RBM6: variants seen among roughly 807,000 people sequenced by gnomAD.
RBM6 encodes the protein RNA-binding protein 6.
RBM6 carries 23 observed loss-of-function variants against 140.4 expected under a neutral mutation model. The observed-to-expected ratio is 0.16, with a 90% confidence interval of 0.12 to 0.23. RBM6 has a LOEUF of 0.23. Among genes scored for constraint, RBM6 ranks in the 10% least tolerant of loss-of-function variants. The pLI, the probability that RBM6 is intolerant of heterozygous loss-of-function variation, is 1.00. For missense variants in RBM6, 1,139 were observed against 1,386.7 expected, an observed-to-expected ratio of 0.82 and a Z score of 2.84; for synonymous variants, 439 against 475.6, an observed-to-expected ratio of 0.92 and a Z score of 1.00.
intron 1 of RBM6, among the ~76,000 whole-genome samples, chr3:49,959,951 T>C (rs1170848784): frequency 6.6e-6 from 1 of 152,168 alleles, no homozygotes; most frequent in Non-Finnish European, 1.5e-5. Context: ...TGCTTTGGAA[T>C]GTCCTAATTT....
intron 1 of RBM6, among the ~76,000 whole-genome samples, chr3:49,956,096 T>C (rs1290100639): frequency 6.6e-6 from 1 of 151,014 alleles, no homozygotes. Flanking sequence ...AGTGCCACAA[T>C]CTCAGCTCAC....
intron 1 of RBM6, among the ~76,000 whole-genome samples, chr3:49,950,086 C>T (rs910288845): frequency 2.6e-5 from 4 of 152,082 alleles, no homozygotes; most frequent in African/African-American, 9.7e-5. Flanking sequence ...GCCACTAATT[C>T]CAGTTCTTGA....
intron 1 of RBM6, among the ~76,000 whole-genome samples, chr3:49,945,039 C>T (rs36063670): frequency 6.6e-6 from 1 of 151,744 alleles, no homozygotes; most frequent in East Asian, 1.9e-4. Flanking sequence ...CCACGCCCGG[C>T]TAATTTTTTG....
intron 2 of RBM6, among the ~76,000 whole-genome samples, chr3:49,964,645 C>G (rs2084427340): frequency 6.6e-6 from 1 of 152,158 alleles, no homozygotes; most frequent in South Asian, 2.1e-4. Flanking sequence ...GTTTCCTGAC[C>G]TCTCATCTAG....
At chr3:50,011,317 T>A (rs1205977365) in intron 6 of RBM6, among the ~76,000 whole-genome samples, 1 of 152,190 alleles carries the variant, frequency 6.6e-6, no homozygotes, top group African/African-American at 2.4e-5. Context: ...TGGATGGAGT[T>A]GGTAACAGGC....
At chr3:50,006,624 T>C in intron 6 of RBM6, among the ~76,000 whole-genome samples, 1 of 152,056 alleles carries the variant, frequency 6.6e-6, no homozygotes, top group East Asian at 1.9e-4. Flanking sequence ...AGTTAATGCA[T>C]GTAAGGTGAT....
At chr3:50,053,670 C>T (rs1473244099) in intron 7 of RBM6, among the ~76,000 whole-genome samples, 4 of 152,190 alleles carry the variant, frequency 2.6e-5, no homozygotes, top group African/African-American at 7.2e-5. Flanking sequence ...CTTTTATTTC[C>T]TGCCAACCAA....
chr3:49,983,186 A>T (rs1277112848), intron 5 of RBM6, among the ~76,000 whole-genome samples: 1 of 152,232 alleles, frequency 6.6e-6, no homozygotes, highest in Non-Finnish European at 1.5e-5. Context: ...ATGTCCTTTC[A>T]TTATTCACAA....
intron 6 of RBM6, among the ~76,000 whole-genome samples, chr3:50,007,719 GAGA>G (rs1307966430): frequency 6.6e-6 from 1 of 151,826 alleles, no homozygotes; most frequent in African/African-American, 2.4e-5. Flanking sequence ...ATTTTTAGTA[GAGA>G]CGGGGTTTCA....
intron 16 of RBM6, chr3:50,065,498 A>G (rs2090092993): frequency 2.2e-6 from 1 of 459,180 alleles, no homozygotes; most frequent in Non-Finnish European, 4.3e-6. Context: ...TCTCTTAGAT[A>G]TGGAGTGCAT....
chr3:49,964,227 G>A (rs746487623), intron 2 of RBM6, among the ~76,000 whole-genome samples: 2 of 152,154 alleles, frequency 1.3e-5, no homozygotes, highest in African/African-American at 2.4e-5. Context: ...CAATCTGCAA[G>A]ATTTTATTAC....
Position 49,949,121 on chromosome 3 carries a change from G to A in RBM6, c.-67+8896G>A, listed in dbSNP as rs373687911. Among the ~76,000 whole-genome samples, 5 of 151,606 alleles carry A rather than the reference G, an allele frequency of 3.3e-5. No homozygotes were observed. The South Asian group carries it at 6.3e-4, about 19-fold the overall frequency. Reference sequence around the variant, plus strand: ...TGGGACTACAGGTGTGAGCCACCACGCCTGGTCATACCCAAATATTTTACC... The same window carrying A: ...TGGGACTACAGGTGTGAGCCACCACACCTGGTCATACCCAAATATTTTACC... On this transcript the variant is annotated intron_variant, in intron 1 of 20. Transcript: ENST00000266022.
At chr3:50,054,179 C>A in intron 7 of RBM6, 156 bp from the exon 8 acceptor site, 1 of 641,848 alleles carries the variant, frequency 1.6e-6, no homozygotes, top group Non-Finnish European at 2.8e-6. Context: ...CATCTGCCAG[C>A]TCTAATCAGT....
At position 50,018,594 on chromosome 3, in the gene RBM6, T is replaced by G. The variant is rs906413010; in HGVS notation, c.1557+19081T>G. Among the ~76,000 whole-genome samples, 335 of 133,238 alleles carry G rather than the reference T, an allele frequency of 2.5e-3. 1 individual carries two copies. Among genetic ancestry groups the G allele is most frequent in the African/African-American group, 8.6e-3 (303 of 35,030 alleles). The allele number at this position is 133,238 out of a possible 152,430, so 87.4% of individuals were successfully genotyped here. A position where few individuals can be genotyped will look rare whatever the true frequency, so the allele number is the denominator to read the frequency against. The stretch of plus-strand genomic sequence containing the variant: ...TGGTAGGAGTGTGTTTTTTTTTTTT[T>G]TTTTTTTTTTTTTTTTTGACACGGA... On this transcript the variant is annotated intron_variant, in intron 6 of 20. Transcript: ENST00000266022.
chr3:49,955,306 G>T (rs995414173), intron 1 of RBM6, among the ~76,000 whole-genome samples: 1 of 148,962 alleles, frequency 6.7e-6, no homozygotes, highest in Admixed American at 6.8e-5. Flanking sequence ...CAGTATTTGG[G>T]ACTACAGACA....
At position 50,059,563 on chromosome 3, in the gene RBM6, G is replaced by A. The variant is rs562460301; in HGVS notation, c.2131-86G>A. The A allele has an allele frequency of 1.9e-4, 205 of 1,084,860 alleles. No individual in the cohort carries two copies. In the African/African-American group the frequency reaches 2.4e-3, roughly 12 times the overall value. 67.2% of individuals were successfully genotyped at this position (1,084,860 alleles called of 1,614,324 possible). Reference sequence around the variant, plus strand: ...TTATCCTCTGAGAAGGAAAATCCACGTTCACTTCTCTTTCAAAGGAGAATT... The same window carrying A: ...TTATCCTCTGAGAAGGAAAATCCACATTCACTTCTCTTTCAAAGGAGAATT... On this transcript the variant is annotated intron_variant, in intron 10 of 20. Transcript: ENST00000266022.
rs2084640649 is a variant in RBM6, at chr3:49,968,834, G to A, written c.1323+86G>A. 10 of 1,403,276 alleles carry A rather than the reference G, an allele frequency of 7.1e-6. No individual in the cohort carries two copies. The Middle Eastern group carries it at 7.8e-4, about 110-fold the overall frequency. The allele number at this position is 1,403,276 out of a possible 1,614,324, so 86.9% of individuals were successfully genotyped here. On this transcript the variant is annotated intron_variant, in intron 3 of 20. Coordinates refer to ENST00000266022, the MANE Select transcript of RBM6 (RefSeq NM_005777.3). Reference sequence around the variant, plus strand: ...CTCGCTCTGTTGCCCAGCCTGGAGTGCAGTGGTGCGATCTCTGCTCATGCA... The same window carrying A: ...CTCGCTCTGTTGCCCAGCCTGGAGTACAGTGGTGCGATCTCTGCTCATGCA...
chr3:50,068,519 T>G (rs1277105382), intron 17 of RBM6, among the ~76,000 whole-genome samples, 171 bp from the exon 18 acceptor site: 1 of 152,228 alleles, frequency 6.6e-6, no homozygotes, highest in East Asian at 1.9e-4. Flanking sequence ...ATAACTAATC[T>G]GCATGACAAG....
At chr3:50,014,982 G>A (rs2087043705) in intron 6 of RBM6, among the ~76,000 whole-genome samples, 1 of 146,378 alleles carries the variant, frequency 6.8e-6, no homozygotes, top group Non-Finnish European at 1.5e-5. Flanking sequence ...CCAGAAGGTG[G>A]AGGTTGCGGT....
Sources: gnomAD v4.1 joint callset for allele counts (sites outside exome capture counted in the v4.1 genomes callset) on GRCh38, gnomAD v4.1.1 for gene constraint, MANE v1.5 for transcripts, NCBI Gene and HGNC (gene_info 2026-07-23, HGNC 2026-07-21) for gene names.